GALNT13: variants seen among roughly 807,000 people sequenced by gnomAD.
GALNT13 encodes the protein UDP-GalNAc:polypeptide N-acetylgalactosaminyltransferase 13.
A neutral mutation model predicts 64.2 loss-of-function variants in GALNT13; 28 were observed. The observed-to-expected ratio is 0.44, with a 90% CI of 0.32 to 0.60. The LOEUF (loss-of-function observed/expected upper bound fraction) is 0.60, where lower values mean the gene tolerates loss of function less well. Ranked by LOEUF, GALNT13 falls within the 20% of genes least tolerant of loss-of-function variation. The probability of loss-of-function intolerance (pLI) is 0.05; values close to 1 mark genes in which losing one functional copy is unlikely to be tolerated. For synonymous variants in GALNT13, 214 were observed against 224.6 expected, an observed-to-expected ratio of 0.95 and a Z score of 0.42; for missense variants, 577 against 669.8, an observed-to-expected ratio of 0.86 and a Z score of 1.53.
chr2:154,075,429 A>G (rs1280597990), intron 3 of GALNT13, among the ~76,000 whole-genome samples: 1 of 151,796 alleles, frequency 6.6e-6, no homozygotes, highest in Non-Finnish European at 1.5e-5. Context: ...CTACTTTTTC[A>G]TTATAAAATT....
chr2:153,842,184 A>C, the GALNT13 span, among the ~76,000 whole-genome samples: 17 of 152,152 alleles, frequency 1.1e-4, no homozygotes, highest in Non-Finnish European at 2.2e-4. Flanking sequence ...AGAACTAGCA[A>C]GAGGGCCAGA....
chr2:153,719,363 T>G, the GALNT13 span, among the ~76,000 whole-genome samples: 1 of 152,226 alleles, frequency 6.6e-6, no homozygotes. Flanking sequence ...TGACACTGAC[T>G]GAAAGGTACC....
the GALNT13 span, among the ~76,000 whole-genome samples, chr2:153,275,941 C>T: frequency 6.6e-6 from 1 of 152,120 alleles, no homozygotes; most frequent in Non-Finnish European, 1.5e-5. Flanking sequence ...CAATTGCCTG[C>T]ATCACCACCA....
At chr2:153,887,520 C>G (rs1420713173) in intron 1 of GALNT13, among the ~76,000 whole-genome samples, 2 of 151,488 alleles carry the variant, frequency 1.3e-5, no homozygotes, top group Non-Finnish European at 2.9e-5. Context: ...ATTGAGAAAT[C>G]TTACTTGAGA....
chr2:154,418,915 T>C (rs1285228215), intron 11 of GALNT13, among the ~76,000 whole-genome samples: 4 of 152,176 alleles, frequency 2.6e-5, no homozygotes, highest in African/African-American at 9.6e-5. Context: ...TACTGATTCT[T>C]CAGAAAGTTT....
At chr2:153,954,130 CTA>C (rs1219836720) in intron 3 of GALNT13, among the ~76,000 whole-genome samples, 1 of 151,972 alleles carries the variant, frequency 6.6e-6, no homozygotes, top group African/African-American at 2.4e-5. Flanking sequence ...GGAAGAATTC[CTA>C]TGTTTACATA....
the GALNT13 span, among the ~76,000 whole-genome samples, chr2:153,684,341 C>T: frequency 6.6e-6 from 1 of 151,660 alleles, no homozygotes; most frequent in Non-Finnish European, 1.5e-5. Flanking sequence ...CTCTAACTGT[C>T]ATTATGTATG....
the GALNT13 span, among the ~76,000 whole-genome samples, chr2:153,212,408 T>A: frequency 1.5e-3 from 232 of 152,280 alleles, no homozygotes; most frequent in African/African-American, 5.5e-3. Flanking sequence ...GTTCTTCCTA[T>A]TGTGCACATT....
chr2:153,766,441 A>C, the GALNT13 span, among the ~76,000 whole-genome samples: 12 of 152,234 alleles, frequency 7.9e-5, no homozygotes, highest in South Asian at 6.2e-4. Context: ...TTATTTCTTT[A>C]AACATGTTTT....
chr2:154,312,659 T>A (rs557638382), intron 9 of GALNT13, among the ~76,000 whole-genome samples: 2 of 152,326 alleles, frequency 1.3e-5, no homozygotes, highest in African/African-American at 4.8e-5. Flanking sequence ...GGTTTATACA[T>A]TGTTAAAACA....
chr2:153,923,818 G>T (rs528147848), intron 2 of GALNT13, among the ~76,000 whole-genome samples: 2 of 150,328 alleles, frequency 1.3e-5, no homozygotes, highest in Non-Finnish European at 2.9e-5. Flanking sequence ...GTGATAGTTT[G>T]CTGAGAATGA....
the GALNT13 span, among the ~76,000 whole-genome samples, chr2:153,838,125 A>C: frequency 6.6e-6 from 1 of 151,934 alleles, no homozygotes; most frequent in Non-Finnish European, 1.5e-5. Flanking sequence ...GTGTTGTATG[A>C]GTTCTTTATA....
intron 8 of GALNT13, among the ~76,000 whole-genome samples, chr2:154,277,837 T>A (rs761170104): frequency 9.2e-5 from 14 of 152,220 alleles, no homozygotes; most frequent in Non-Finnish European, 1.9e-4. Flanking sequence ...TTTATAATTG[T>A]CAAACTAACC....
At chr2:153,694,289 C>T in the GALNT13 span, among the ~76,000 whole-genome samples, 15 of 152,046 alleles carry the variant, frequency 9.9e-5, no homozygotes, top group Middle Eastern at 3.2e-3. Flanking sequence ...GCATAGGTGA[C>T]TCTAGGAATC....
At chr2:154,241,010 C>A (rs936491671) in intron 4 of GALNT13, among the ~76,000 whole-genome samples, 1 of 152,140 alleles carries the variant, frequency 6.6e-6, no homozygotes, top group South Asian at 2.1e-4. Context: ...GCTGGCTTGC[C>A]GGTGCCTGCT....
At chr2:154,221,426 A>G (rs1218879512) in intron 4 of GALNT13, among the ~76,000 whole-genome samples, 2 of 152,038 alleles carry the variant, frequency 1.3e-5, no homozygotes, top group African/African-American at 2.4e-5. Flanking sequence ...AACTAATTAC[A>G]TTGTTTTGTT....
At chr2:153,215,350 A>G in the GALNT13 span, among the ~76,000 whole-genome samples, 1 of 152,092 alleles carries the variant, frequency 6.6e-6, no homozygotes, top group East Asian at 1.9e-4. Flanking sequence ...AATACAGTGC[A>G]TTATCCAACA....
chr2:153,732,207 C>T, the GALNT13 span, among the ~76,000 whole-genome samples: 14 of 151,716 alleles, frequency 9.2e-5, no homozygotes, highest in South Asian at 6.2e-4. Context: ...AAGTGGGGTT[C>T]GAGGATACAT....
the GALNT13 span, among the ~76,000 whole-genome samples, chr2:153,397,671 G>C: frequency 1.3e-5 from 2 of 151,908 alleles, no homozygotes; most frequent in African/African-American, 2.4e-5. Flanking sequence ...TATCACCAAG[G>C]GGGAGGGTTC....
Sources: allele counts gnomAD v4.1 joint callset (sites outside exome capture counted in the v4.1 genomes callset), GRCh38; gene constraint gnomAD v4.1.1; transcripts MANE v1.5; gene names NCBI Gene and HGNC (gene_info 2026-07-23, HGNC 2026-07-21).